ATF6: variants seen among roughly 807,000 people sequenced by gnomAD.
The protein encoded by ATF6 is cyclic AMP-dependent transcription factor ATF-6 alpha.
In ATF6, 53 loss-of-function variants were observed where a neutral mutation model predicts 83.6. The observed-to-expected ratio is 0.63, with a 90% CI of 0.51 to 0.80. The LOEUF (loss-of-function observed/expected upper bound fraction) is 0.80, where lower values mean the gene tolerates loss of function less well. Ranked by LOEUF, ATF6 falls within the 30% of genes least tolerant of loss-of-function variation. ATF6 has a pLI of 0.00. For synonymous variants in ATF6, 288 were observed against 285.8 expected, an observed-to-expected ratio of 1.01 and a Z score of -0.08; for missense variants, 744 against 797.9, an observed-to-expected ratio of 0.93 and a Z score of 0.81.
intron 1 of ATF6, among the ~76,000 whole-genome samples, chr1:161,773,736 AC>A (rs1185646852): frequency 6.6e-6 from 1 of 152,200 alleles, no homozygotes; most frequent in African/African-American, 2.4e-5. Context: ...ATTATTTACT[AC>A]TGTTGAGGGA....
Position 161,958,602 on chromosome 1 carries a change from C to A in ATF6, c.1961C>A (p.Ala654Glu), listed in dbSNP as rs749629569. ...AACACCTTCTTTGGCTCCCCTCCCG[C>A]AGCCACAGAGGCAACCCACGTTGTC... ...QTNTFFGSPP[A>E]ATEATHVVST... Residue 654 changes from alanine to glutamate, a missense_variant, in exon 16 of 16, where the codon GCA becomes GAA. Coordinates refer to ENST00000367942, the MANE Select transcript of ATF6 (RefSeq NM_007348.4). The A allele has an allele frequency of 2.8e-5, 45 of 1,613,886 alleles. No individual in the cohort carries two copies. The highest frequency in any genetic ancestry group is 3.4e-5 in the Non-Finnish European group (40 of 1,179,974).
intron 14 of ATF6, among the ~76,000 whole-genome samples, chr1:161,878,931 TA>T (rs1687271774): frequency 6.6e-6 from 1 of 152,030 alleles, no homozygotes; most frequent in South Asian, 2.1e-4. Flanking sequence ...AGAGAAAAGG[TA>T]GGGTTTTGTC....
chr1:161,857,060 G>A (rs757436624), intron 12 of ATF6, among the ~76,000 whole-genome samples: 1 of 152,096 alleles, frequency 6.6e-6, no homozygotes, highest in Non-Finnish European at 1.5e-5. Flanking sequence ...AGAAGTTCCT[G>A]GTTAGAGGAA....
chr1:161,789,328 G>T (rs1365963604), intron 4 of ATF6, among the ~76,000 whole-genome samples: 1 of 126,226 alleles, frequency 7.9e-6, no homozygotes, highest in Non-Finnish European at 1.6e-5. Context: ...ACCCTCCCCA[G>T]CCTCTGGTAA....
intron 12 of ATF6, among the ~76,000 whole-genome samples, chr1:161,857,383 C>T (rs1394502904): frequency 6.6e-6 from 1 of 151,934 alleles, no homozygotes; most frequent in Non-Finnish European, 1.5e-5. Flanking sequence ...AGCATTATGT[C>T]TTTGATTTGA....
At chr1:161,912,592 T>C (rs1688013066) in intron 15 of ATF6, among the ~76,000 whole-genome samples, 2 of 152,182 alleles carry the variant, frequency 1.3e-5, no homozygotes, top group African/African-American at 4.8e-5. Context: ...GTAGCTTTCT[T>C]TTACTTACAA....
At chr1:161,881,577 A>G (rs1286551004) in intron 14 of ATF6, among the ~76,000 whole-genome samples, 1 of 152,166 alleles carries the variant, frequency 6.6e-6, no homozygotes, top group African/African-American at 2.4e-5. Flanking sequence ...TGGAAGGGGT[A>G]TGGAGCTTCC....
chr1:161,950,268 C>G (rs373707935), intron 15 of ATF6, among the ~76,000 whole-genome samples: 1 of 152,192 alleles, frequency 6.6e-6, no homozygotes, highest in East Asian at 1.9e-4. Flanking sequence ...CTTGTAGAAG[C>G]TAGCCTGCCC....
intron 9 of ATF6, among the ~76,000 whole-genome samples, chr1:161,842,281 C>T (rs1420152715): frequency 6.6e-6 from 1 of 152,080 alleles, no homozygotes; most frequent in African/African-American, 2.4e-5. Context: ...TAGACTAGTA[C>T]AACCACTGCG....
chr1:161,958,688 G>A lies in ATF6; in HGVS notation c.*34G>A. ...AGCTATGCTGGAAAACTGAGCGTGGGACCCTGCCAGACTGAAGAGCAGGTG... is the reference window on the plus strand; with the variant it reads ...AGCTATGCTGGAAAACTGAGCGTGGAACCCTGCCAGACTGAAGAGCAGGTG... On this transcript the variant is annotated 3_prime_UTR_variant, in exon 16 of 16. Transcript: ENST00000367942. The A allele has an allele frequency of 1.3e-6, 2 of 1,541,052 alleles. No homozygotes were observed. Among genetic ancestry groups the A allele is most frequent in the Non-Finnish European group, 1.8e-6 (2 of 1,138,214 alleles).
rs1686681807 is a variant in ATF6, at chr1:161,853,326, A to G, written c.1533+3A>G. On this transcript the variant is annotated splice_donor_region_variant and intron_variant, in intron 12 of 15. Coordinates refer to ENST00000367942, the MANE Select transcript of ATF6 (RefSeq NM_007348.4). Reference sequence around the variant, plus strand: ...AACAGAAAACCCGTATTCTTCAGGTATGTTTCTGTTTGTCTTTGAACAATA... The same window carrying G: ...AACAGAAAACCCGTATTCTTCAGGTGTGTTTCTGTTTGTCTTTGAACAATA... 1 of 1,607,406 alleles carries G rather than the reference A, an allele frequency of 6.2e-7. No homozygotes were observed. The highest frequency in any genetic ancestry group is 2.2e-5 in the East Asian group (1 of 44,770).
intron 15 of ATF6, among the ~76,000 whole-genome samples, chr1:161,941,965 C>CT (rs893933264): frequency 4.0e-5 from 6 of 151,116 alleles, no homozygotes; most frequent in African/African-American, 1.5e-4. Context: ...CTCTTATCTT[C>CT]TTTTTTTCGG....
intron 7 of ATF6, among the ~76,000 whole-genome samples, chr1:161,805,876 C>G (rs985138724): frequency 6.6e-6 from 1 of 150,658 alleles, no homozygotes; most frequent in Non-Finnish European, 1.5e-5. Flanking sequence ...CTTTTTCTAC[C>G]TTTTTTAGTT....
In ATF6 at chr1:161,876,076, T is replaced by A. The variant is rs551452958; in HGVS notation, c.1719+12764T>A. Among the ~76,000 whole-genome samples, 9 of 152,052 alleles carry A rather than the reference T, an allele frequency of 5.9e-5. 1 individual carries two copies. The highest frequency in any genetic ancestry group is 1.9e-4 in the African/African-American group (8 of 41,542). Reference sequence around the variant, plus strand: ...TCATCAGTGTAAATATCAACACAGTTGTTTCAAGATAAATGATGAGATTTA... The same window carrying A: ...TCATCAGTGTAAATATCAACACAGTAGTTTCAAGATAAATGATGAGATTTA... On this transcript the variant is annotated intron_variant, in intron 14 of 15. Transcript: ENST00000367942.
chr1:161,792,681 T>C lies in ATF6; in HGVS notation c.688+354T>C, dbSNP rs182169307. On this transcript the variant is annotated intron_variant, in intron 6 of 15. Transcript: ENST00000367942. The stretch of plus-strand genomic sequence containing the variant: ...GAACTTTTTTTGTTTTGAAGGAATA[T>C]TTAAAATAATAGGGTCCATTTCAGG... Among the ~76,000 whole-genome samples the C allele has an allele frequency of 3.3e-5, 5 of 152,306 alleles. No homozygotes were observed. In the East Asian group the frequency reaches 9.6e-4, roughly 29 times the overall value.
At chr1:161,820,746 CA>C (rs1454888179) in intron 8 of ATF6, among the ~76,000 whole-genome samples, 9 of 151,750 alleles carry the variant, frequency 5.9e-5, no homozygotes, top group African/African-American at 1.2e-4. Context: ...CACTCCGTCT[CA>C]AAAAAATATA....
Position 161,901,510 on chromosome 1 carries a change from T to G in ATF6, c.1720-10786T>G, listed in dbSNP as rs530439833. ...CTCCCAAAGCAAAAAAAAAAAAAAT[T>G]AGTGAGAAGAGTAGCACTGTTTTAC... is the stretch of plus-strand genomic sequence containing the variant. On this transcript the variant is annotated intron_variant, in intron 14 of 15. Coordinates refer to ENST00000367942, the MANE Select transcript of ATF6 (RefSeq NM_007348.4). Among the ~76,000 whole-genome samples, 20 of 151,564 alleles carry G rather than the reference T, an allele frequency of 1.3e-4. No homozygotes were observed. In the South Asian group the frequency reaches 4.0e-3, roughly 30 times the overall value.
chr1:161,943,130 A>C (rs906761397), intron 15 of ATF6, among the ~76,000 whole-genome samples: 1 of 152,216 alleles, frequency 6.6e-6, no homozygotes, highest in Non-Finnish European at 1.5e-5. Flanking sequence ...TGGGAATTAC[A>C]GGCATGAGCT....
intron 9 of ATF6, among the ~76,000 whole-genome samples, chr1:161,839,768 GA>G (rs1467528334): frequency 1.3e-5 from 2 of 152,214 alleles, no homozygotes; most frequent in Non-Finnish European, 2.9e-5. Context: ...ATCTGAGGAA[GA>G]ACAGCATTCT....
Sources: gnomAD v4.1 joint callset for allele counts (sites outside exome capture counted in the v4.1 genomes callset) on GRCh38, gnomAD v4.1.1 for gene constraint, MANE v1.5 for transcripts, NCBI Gene and HGNC (gene_info 2026-07-23, HGNC 2026-07-21) for gene names.